Variants in EYA1 observed in about 807,000 individuals in gnomAD.
The protein encoded by EYA1 is EYA transcriptional coactivator and phosphatase 1.
EYA1 carries 16 observed loss-of-function variants against 82.0 expected under a neutral mutation model. That is an observed-to-expected ratio of 0.20 (90% CI 0.13 to 0.30). The LOEUF (loss-of-function observed/expected upper bound fraction) is 0.30, where lower values mean the gene tolerates loss of function less well. EYA1 is among the 10% of genes least tolerant of loss of function. EYA1 has a pLI of 1.00. For missense variants in EYA1, 633 were observed against 730.7 expected (o/e 0.87, Z 1.54); for synonymous variants, 261 against 264.4 (o/e 0.99, Z 0.12).
chr8:71,288,822 G>A (rs985578126), intron 9 of EYA1, among the ~76,000 whole-genome samples: 2 of 152,056 alleles, frequency 1.3e-5, no homozygotes, highest in African/African-American at 4.8e-5. Flanking sequence ...TTAAATATCA[G>A]CAGTCACATA....
chr8:71,507,766 T>A (rs1291868110), intron 2 of EYA1, among the ~76,000 whole-genome samples: 3 of 152,174 alleles, frequency 2.0e-5, no homozygotes, highest in African/African-American at 7.2e-5. Context: ...GTGGGTATAG[T>A]GTGCTATCTT....
At chr8:71,305,269 G>T (rs1327616297) in intron 7 of EYA1, among the ~76,000 whole-genome samples, 1 of 142,626 alleles carries the variant, frequency 7.0e-6, no homozygotes, top group Non-Finnish European at 1.6e-5. Context: ...ATAATGCAAG[G>T]TTTTACATCA....
upstream of EYA1, among the ~76,000 whole-genome samples, chr8:71,365,571 G>A (rs1827704502): frequency 6.6e-6 from 1 of 152,158 alleles, no homozygotes; most frequent in East Asian, 1.9e-4. Flanking sequence ...GTTCAAAGTA[G>A]AATGGCAAAT....
intron 2 of EYA1, among the ~76,000 whole-genome samples, chr8:71,494,880 A>T (rs10100423): frequency 0.059 from 8,989 of 152,102 alleles, 315 homozygotes; most frequent in South Asian, 0.12. Context: ...GTTCACAAGC[A>T]GAAACGGAAC....
At chr8:71,312,579 A>G (rs1486351644) in intron 7 of EYA1, among the ~76,000 whole-genome samples, 1 of 152,178 alleles carries the variant, frequency 6.6e-6, no homozygotes, top group African/African-American at 2.4e-5. Flanking sequence ...CTGGGATTAC[A>G]GGCACGTGAC....
chr8:71,356,406 A>T (rs1392502672), intron 2 of EYA1, 56 bp downstream of exon 2: 1 of 1,432,672 alleles, frequency 7.0e-7, no homozygotes, highest in Non-Finnish European at 9.6e-7. Context: ...ACAAAAATAG[A>T]TATGGGTCAC....
intron 12 of EYA1, among the ~76,000 whole-genome samples, chr8:71,236,337 A>T (rs1479976479): frequency 6.6e-6 from 1 of 152,118 alleles, no homozygotes; most frequent in African/African-American, 2.4e-5. Flanking sequence ...ACCTGGCCGA[A>T]TTTTACACTT....
intron 2 of EYA1, among the ~76,000 whole-genome samples, chr8:71,497,312 C>T (rs1214609045): frequency 6.6e-6 from 1 of 152,148 alleles, no homozygotes; most frequent in Non-Finnish European, 1.5e-5. Context: ...ATGCAGCCCA[C>T]GGGCCATGGG....
intron 2 of EYA1, among the ~76,000 whole-genome samples, chr8:71,376,362 G>A (rs1828372015): frequency 6.6e-6 from 1 of 152,192 alleles, no homozygotes; most frequent in South Asian, 2.1e-4. Context: ...CAGATAAAGA[G>A]TGGGATTTTA....
intron 2 of EYA1, among the ~76,000 whole-genome samples, chr8:71,398,950 G>A (rs1829793519): frequency 6.6e-6 from 1 of 152,310 alleles, no homozygotes; most frequent in Non-Finnish European, 1.5e-5. Context: ...CACCCAGTTC[G>A]AGCTTCCTGG....
At chr8:71,415,316 A>T (rs1830796892) in intron 2 of EYA1, among the ~76,000 whole-genome samples, 1 of 152,226 alleles carries the variant, frequency 6.6e-6, no homozygotes, top group Non-Finnish European at 1.5e-5. Flanking sequence ...ATTATTGAAG[A>T]TCTTCTGTAG....
intron 2 of EYA1, among the ~76,000 whole-genome samples, chr8:71,462,763 G>T (rs963060159): frequency 1.3e-5 from 2 of 152,180 alleles, no homozygotes; most frequent in African/African-American, 4.8e-5. Context: ...CTAGGGGCAG[G>T]TCCTGCCCAG....
chr8:71,452,529 A>G (rs956171205), intron 2 of EYA1, among the ~76,000 whole-genome samples: 1 of 152,192 alleles, frequency 6.6e-6, no homozygotes, highest in Non-Finnish European at 1.5e-5. Flanking sequence ...CAGTAGGGGC[A>G]GACTGACACC....
intron 11 of EYA1, among the ~76,000 whole-genome samples, chr8:71,267,738 C>T (rs542864491): frequency 3.9e-5 from 6 of 151,992 alleles, no homozygotes; most frequent in African/African-American, 1.2e-4. Context: ...TTAGTAGAGA[C>T]GGGGTTTCAC....
chr8:71,308,460 C>T (rs1820965476), intron 7 of EYA1, among the ~76,000 whole-genome samples: 1 of 151,988 alleles, frequency 6.6e-6, no homozygotes, highest in Admixed American at 6.6e-5. Context: ...GCCTTGTCAA[C>T]CATAACAAAC....
chr8:71,448,025 T>TTTTTTTTTTTTTTTTTTTTAACGGAG (rs935912194), intron 2 of EYA1, among the ~76,000 whole-genome samples: 2 of 116,734 alleles, frequency 1.7e-5, no homozygotes, highest in African/African-American at 6.8e-5. Context: ...TTTTTTTTTT[T>TTTTTTTTTTTTTTTTTTTTAACGGAG]TCTCGCTCCG....
At chr8:71,298,961 C>A (rs1819885553) in intron 9 of EYA1, 86 bp downstream of exon 9, 2 of 1,357,078 alleles carry the variant, frequency 1.5e-6, no homozygotes, top group Non-Finnish European at 2.1e-6. Flanking sequence ...AATTGTGCAA[C>A]CACTGCATGA....
intron 12 of EYA1, among the ~76,000 whole-genome samples, chr8:71,242,853 T>C (rs116318231): frequency 0.029 from 4,295 of 150,312 alleles, 195 homozygotes; most frequent in African/African-American, 0.099. Flanking sequence ...CTCTGGCTCA[T>C]CGTAACCTCT....
chr8:71,207,690 C>A (rs897100238), intron 17 of EYA1, among the ~76,000 whole-genome samples: 1 of 151,900 alleles, frequency 6.6e-6, no homozygotes, highest in African/African-American at 2.4e-5. Flanking sequence ...ACAGTGGAAA[C>A]AATCTTTTTT....
Sources: gnomAD v4.1 joint callset for allele counts (sites outside exome capture counted in the v4.1 genomes callset) on GRCh38, gnomAD v4.1.1 for gene constraint, MANE v1.5 for transcripts, NCBI Gene and HGNC (gene_info 2026-07-23, HGNC 2026-07-21) for gene names.